The following PRSS23 variants were observed in gnomAD, a reference collection of about 807,000 sequenced individuals.
PRSS23 encodes the protein protease, serine 23.
Under a neutral mutation model 34.7 loss-of-function variants are expected in PRSS23, and 25 were observed. The ratio of observed to expected loss-of-function variants is 0.72; its 90% confidence interval spans 0.53 to 1.01. The LOEUF is 1.01. Ranked by LOEUF, PRSS23 falls within the 50% of genes least tolerant of loss-of-function variation. PRSS23 has a pLI of 0.00. For missense variants in PRSS23, 445 were observed against 475.6 expected (o/e 0.94, Z 0.60); for synonymous variants, 176 against 186.6 (o/e 0.94, Z 0.46).
intron 2 of PRSS23, chr11:86,949,625 T>C (rs939565305): frequency 2.6e-5 from 4 of 152,672 alleles, no homozygotes. Context: ...AGTGCAATTT[T>C]CGAGAGGCTG....
intron 2 of PRSS23, among the ~76,000 whole-genome samples, chr11:86,856,324 TA>T (rs56199835): frequency 0.079 from 11,552 of 145,798 alleles, 495 homozygotes; most frequent in East Asian, 0.16. Flanking sequence ...TCTGGTGCTT[TA>T]AAAAAAAAAA....
intron 1 of PRSS23, among the ~76,000 whole-genome samples, chr11:86,803,592 A>G (rs1948065323): frequency 6.6e-6 from 1 of 152,176 alleles, no homozygotes; most frequent in South Asian, 2.1e-4. Flanking sequence ...ATTAATGCGG[A>G]TGAGTCAGGG....
chr11:86,821,137 C>T, intron 1 of PRSS23: 3 of 600,156 alleles, frequency 5.0e-6, no homozygotes, highest in East Asian at 6.3e-5. Context: ...TCCATGATTC[C>T]CTTCATGCTT....
chr11:86,829,060 G>A (rs984466527), intron 2 of PRSS23, among the ~76,000 whole-genome samples: 1 of 152,188 alleles, frequency 6.6e-6, no homozygotes, highest in African/African-American at 2.4e-5. Context: ...ATATTGGGAA[G>A]TTGTCCTGGA....
intron 2 of PRSS23, among the ~76,000 whole-genome samples, chr11:86,888,137 C>A (rs376102890): frequency 0.043 from 5,532 of 129,414 alleles, 136 homozygotes; most frequent in Non-Finnish European, 0.062. Context: ...CAAAACAAAA[C>A]AAAACCTAAG....
chr11:86,924,158 T>G (rs187794897), intron 2 of PRSS23, among the ~76,000 whole-genome samples: 32 of 152,220 alleles, frequency 2.1e-4, no homozygotes, highest in Non-Finnish European at 2.1e-4. Flanking sequence ...AAGACAAGGC[T>G]GGGAGGACAG....
intron 1 of PRSS23, among the ~76,000 whole-genome samples, chr11:86,803,043 T>C (rs1233551652): frequency 6.6e-6 from 1 of 152,164 alleles, no homozygotes; most frequent in Non-Finnish European, 1.5e-5. Flanking sequence ...TGAAAAAATA[T>C]TTTCTTACCT....
intron 2 of PRSS23, among the ~76,000 whole-genome samples, chr11:86,881,054 C>A (rs1261678573): frequency 6.6e-6 from 1 of 152,018 alleles, no homozygotes; most frequent in African/African-American, 2.4e-5. Flanking sequence ...TCATAATTAC[C>A]CTGGCTAGAA....
intron 2 of PRSS23, chr11:86,949,862 C>A (rs1949275310): frequency 6.6e-6 from 1 of 152,612 alleles, no homozygotes; most frequent in African/African-American, 2.4e-5. Context: ...TTACAAGGAG[C>A]CTTTGCCAAT....
chr11:86,855,504 G>A (rs553166348), intron 2 of PRSS23, among the ~76,000 whole-genome samples: 15 of 151,522 alleles, frequency 9.9e-5, no homozygotes, highest in African/African-American at 1.9e-4. Context: ...ATTTCTTTGC[G>A]TGTGTGTGTG....
intron 1 of PRSS23, among the ~76,000 whole-genome samples, chr11:86,818,765 C>T (rs973002957): frequency 1.3e-5 from 2 of 152,176 alleles, no homozygotes; most frequent in African/African-American, 4.8e-5. Flanking sequence ...CACACCTTCT[C>T]CCATTTGCAG....
intron 2 of PRSS23, among the ~76,000 whole-genome samples, chr11:86,825,531 TGTTTTAGACATGAA>T (rs1401927653): frequency 3.3e-5 from 5 of 151,864 alleles, no homozygotes; most frequent in African/African-American, 1.2e-4. Flanking sequence ...CTGCTTTTGG[TGTTTTAGACATGAA>T]GTCCTTGCCC....
rs1011729615 is a variant in PRSS23 at position 86,871,069 on chromosome 11, C to G, written c.206+47476C>G. ...ATATCTAGTAATTTTTTATTATACA[C>G]TGGACCAGCTGAATTGGAGCGCTTA... On this transcript the variant is annotated intron_variant, in intron 2 of 2. Transcript: ENST00000533902. Among the ~76,000 whole-genome samples the G allele has an allele frequency of 3.3e-5, 5 of 152,040 alleles. No individual in the cohort carries two copies. In the East Asian group the frequency reaches 7.7e-4, roughly 23 times the overall value.
chr11:86,800,068 C>T (rs1251808976), upstream of PRSS23, among the ~76,000 whole-genome samples: 1 of 152,194 alleles, frequency 6.6e-6, no homozygotes. Flanking sequence ...TCCCCATACA[C>T]CAGGTGTGGC....
intron 2 of PRSS23, among the ~76,000 whole-genome samples, chr11:86,859,179 T>A (rs1488610837): frequency 6.6e-6 from 1 of 152,006 alleles, no homozygotes; most frequent in Admixed American, 6.5e-5. Flanking sequence ...CCCTGTGATC[T>A]TGTTCCTAAT....
At chr11:86,803,380 C>T (rs1948062777) in intron 1 of PRSS23, among the ~76,000 whole-genome samples, 1 of 152,164 alleles carries the variant, frequency 6.6e-6, no homozygotes, top group South Asian at 2.1e-4. Flanking sequence ...GTTTTCATTA[C>T]ATCTGTTTAT....
chr11:86,920,371 G>C (rs377040055), intron 2 of PRSS23, among the ~76,000 whole-genome samples: 3 of 152,282 alleles, frequency 2.0e-5, no homozygotes, highest in African/African-American at 7.2e-5. Context: ...CCAGTAGTCC[G>C]AACTTGAGAA....
rs1394017756 is a variant in PRSS23, at chr11:86,952,654, C to T, written c.*1369C>T. On this transcript the variant is annotated 3_prime_UTR_variant, in exon 3 of 3. Coordinates refer to the PRSS23 transcript ENST00000533902. ...AGGGCGCCTGATAATCCATCACTTA[C>T]ATACTTTTCTTAGTTTGGCTTTAGT... 1.2e-5 allele frequency: 7 copies of T among 595,448 alleles called. No individual in the cohort carries two copies. In the African/African-American group the frequency reaches 1.3e-4, roughly 11 times the overall value. 36.9% of individuals were successfully genotyped at this position (595,448 alleles called of 1,614,324 possible).
intron 2 of PRSS23, among the ~76,000 whole-genome samples, chr11:86,882,591 C>G (rs1004353507): frequency 1.3e-5 from 2 of 152,056 alleles, no homozygotes; most frequent in African/African-American, 4.8e-5. Context: ...CATATTTTAT[C>G]TAGTCTGTCA....
Sources: gnomAD v4.1 joint callset for allele counts (sites outside exome capture counted in the v4.1 genomes callset) on GRCh38, gnomAD v4.1.1 for gene constraint, MANE v1.5 for transcripts, NCBI Gene and HGNC (gene_info 2026-07-23, HGNC 2026-07-21) for gene names.